ST8SIA1: variants seen among roughly 807,000 people sequenced by gnomAD.
The protein encoded by ST8SIA1 is alpha-N-acetylneuraminide alpha-2,8-sialyltransferase.
ST8SIA1 carries 16 observed loss-of-function variants against 35.9 expected under a neutral mutation model. The observed-to-expected ratio is 0.45, with a 90% CI of 0.30 to 0.68. ST8SIA1 has a LOEUF of 0.68. Ranked by LOEUF, ST8SIA1 falls within the 30% of genes least tolerant of loss-of-function variation. The pLI is 0.09. For synonymous variants in ST8SIA1, 170 were observed against 169.6 expected (o/e 1.00, Z -0.02); for missense variants, 383 against 453.6 (o/e 0.84, Z 1.41).
At chr12:22,270,550 A>G (rs1865900766) in intron 2 of ST8SIA1, among the ~76,000 whole-genome samples, 1 of 152,232 alleles carries the variant, frequency 6.6e-6, no homozygotes, top group African/African-American at 2.4e-5. Flanking sequence ...AAAATACTGA[A>G]TTAAAACAAA....
chr12:22,203,436 G>A (rs1332936353), intron 4 of ST8SIA1, among the ~76,000 whole-genome samples: 1 of 152,128 alleles, frequency 6.6e-6, no homozygotes, highest in East Asian at 1.9e-4. Flanking sequence ...CAAATCCACA[G>A]GATTGTATGT....
chr12:22,301,800 C>A (rs551278255), intron 1 of ST8SIA1, among the ~76,000 whole-genome samples: 3 of 152,128 alleles, frequency 2.0e-5, no homozygotes, highest in Non-Finnish European at 4.4e-5. Context: ...CACTTTCTGG[C>A]AGGCTCAGGA....
In ST8SIA1 at chr12:22,201,572, A is replaced by G. The variant is rs768293363; in HGVS notation, c.1051T>C (p.Ser351Pro). The change falls in exon 5 of 5, where the codon TCA becomes CCA. Residue 351 changes from serine (S) to proline (P), a missense_variant. By Grantham distance (74) the Ser-to-Pro change is moderately conservative. Coordinates refer to ENST00000396037, the MANE Select transcript of ST8SIA1 (RefSeq NM_003034.4). ...TGTTCCTAGGAAGTGGGCTGGAGTG[A>G]GGTATCTTCACATGGGTCCAGCTGC... ...RMQLDPCEDT[S>P]LQPTS 3 of 1,610,574 alleles carry G rather than the reference A, an allele frequency of 1.9e-6. No homozygotes were observed. The Admixed American group carries it at 5.0e-5, about 27-fold the overall frequency.
At chr12:22,272,435 T>C (rs1865922080) in intron 2 of ST8SIA1, among the ~76,000 whole-genome samples, 1 of 152,180 alleles carries the variant, frequency 6.6e-6, no homozygotes, top group Non-Finnish European at 1.5e-5. Flanking sequence ...CATTTTCTTA[T>C]TTAGAGTTCA....
At chr12:22,256,668 T>C (rs1408913620) in intron 2 of ST8SIA1, among the ~76,000 whole-genome samples, 22 of 152,216 alleles carry the variant, frequency 1.4e-4, no homozygotes, top group Admixed American at 1.4e-3. Context: ...AGGTGGCCAC[T>C]TAATGCAGCA....
At chr12:22,300,745 A>C (rs1379868275) in intron 1 of ST8SIA1, among the ~76,000 whole-genome samples, 1 of 152,162 alleles carries the variant, frequency 6.6e-6, no homozygotes, top group Admixed American at 6.6e-5. Context: ...CTTGTGATCC[A>C]ATTTTGTGAT....
chr12:22,281,161 T>C (rs1866030109), intron 2 of ST8SIA1, among the ~76,000 whole-genome samples: 1 of 152,204 alleles, frequency 6.6e-6, no homozygotes, highest in African/African-American at 2.4e-5. Context: ...AAAATAACAG[T>C]AATAATATTA....
At chr12:22,317,741 T>C (rs1484380518) in intron 1 of ST8SIA1, among the ~76,000 whole-genome samples, 2 of 152,204 alleles carry the variant, frequency 1.3e-5, no homozygotes, top group Non-Finnish European at 2.9e-5. Flanking sequence ...TAGTATCCTA[T>C]TCTATTCTAG....
At chr12:22,298,925 T>A (rs946462329) in intron 1 of ST8SIA1, among the ~76,000 whole-genome samples, 10 of 152,138 alleles carry the variant, frequency 6.6e-5, no homozygotes, top group Admixed American at 1.3e-4. Context: ...GATTTTTTTT[T>A]AAACTTGGAA....
intron 1 of ST8SIA1, among the ~76,000 whole-genome samples, chr12:22,307,415 T>A (rs1288988340): frequency 3.3e-5 from 5 of 152,304 alleles, no homozygotes; most frequent in African/African-American, 1.2e-4. Context: ...GGTGATAAGA[T>A]GGTCTGAGGT....
At chr12:22,202,500 T>C (rs1865059709) in intron 4 of ST8SIA1, among the ~76,000 whole-genome samples, 1 of 152,182 alleles carries the variant, frequency 6.6e-6, no homozygotes, top group African/African-American at 2.4e-5. Context: ...ATTCTATAAA[T>C]ATTCAGATTC....
At chr12:22,234,303 C>T (rs1053747629) in intron 4 of ST8SIA1, among the ~76,000 whole-genome samples, 1 of 151,042 alleles carries the variant, frequency 6.6e-6, no homozygotes. Flanking sequence ...AAGAAAAAAA[C>T]ACTGCCAATA....
At chr12:22,255,466 C>T in intron 2 of ST8SIA1, 77 bp from the exon 3 acceptor site, 1 of 1,249,842 alleles carries the variant, frequency 8.0e-7, no homozygotes, top group East Asian at 2.3e-5. Flanking sequence ...TACAGCAGAC[C>T]CTTTGGAGGA....
chr12:22,303,372 T>G (rs1415822928), intron 1 of ST8SIA1, among the ~76,000 whole-genome samples: 1 of 152,130 alleles, frequency 6.6e-6, no homozygotes, highest in Non-Finnish European at 1.5e-5. Flanking sequence ...GCAGGTTTCC[T>G]GCTTCCTTGG....
chr12:22,327,720 G>A (rs1866699998), intron 1 of ST8SIA1, among the ~76,000 whole-genome samples: 1 of 152,028 alleles, frequency 6.6e-6, no homozygotes, highest in African/African-American at 2.4e-5. Context: ...AACAGAGACG[G>A]TTGCTTATAT....
Position 22,334,155 on chromosome 12 carries a change from G to C in ST8SIA1, c.78C>G (p.Thr26=). 1 of 1,614,064 alleles carries C rather than the reference G, an allele frequency of 6.2e-7. No individual in the cohort carries two copies. The highest frequency in any genetic ancestry group is 8.5e-7 in the Non-Finnish European group (1 of 1,180,000). The change falls in exon 1 of 5, where the codon ACC becomes ACG. Residue 26 remains threonine (T), a synonymous_variant. Coordinates refer to ENST00000396037, the MANE Select transcript of ST8SIA1 (RefSeq NM_003034.4). ...MAVLAWKFPR[T]RLPMGASALC... ...GGGCACTGGCTCCCATGGGCAGCCG[G>C]GTCCGCGGGAACTTCCACGCCAGTA...
chr12:22,227,736 T>C (rs1399750586), intron 4 of ST8SIA1, among the ~76,000 whole-genome samples: 3 of 152,230 alleles, frequency 2.0e-5, no homozygotes, highest in Admixed American at 6.5e-5. Flanking sequence ...TATCCTTTTA[T>C]CTTCAGGCAC....
At chr12:22,243,903 C>T (rs755261402) in intron 4 of ST8SIA1, among the ~76,000 whole-genome samples, 26 of 152,088 alleles carry the variant, frequency 1.7e-4, no homozygotes, top group East Asian at 1.4e-3. Context: ...TGGTGGCACA[C>T]GCCTGTAATC....
intron 1 of ST8SIA1, among the ~76,000 whole-genome samples, chr12:22,306,853 CT>C (rs1207120223): frequency 6.6e-6 from 1 of 152,104 alleles, no homozygotes; most frequent in Non-Finnish European, 1.5e-5. Flanking sequence ...ATTTTTATCA[CT>C]TTTTTTCCTT....
Sources: allele counts gnomAD v4.1 joint callset (sites outside exome capture counted in the v4.1 genomes callset), GRCh38; gene constraint gnomAD v4.1.1; transcripts MANE v1.5; gene names NCBI Gene and HGNC (gene_info 2026-07-23, HGNC 2026-07-21).